The following KDM2A variants were observed in gnomAD, a reference collection of about 807,000 sequenced individuals.
KDM2A encodes lysine demethylase 2A.
A neutral mutation model predicts 137.3 loss-of-function variants in KDM2A; 3 were observed. The observed-to-expected ratio is 0.02, with a 90% CI of 0.01 to 0.06. The LOEUF (loss-of-function observed/expected upper bound fraction) is 0.06. KDM2A is among the 10% of genes least tolerant of loss of function. The pLI is 1.00. For synonymous variants in KDM2A, 512 were observed against 541.5 expected, an observed-to-expected ratio of 0.95 and a Z score of 0.76; for missense variants, 738 against 1,510.6, an observed-to-expected ratio of 0.49 and a Z score of 8.48.
At chr11:67,134,707 G>A (rs745837104) in intron 2 of KDM2A, among the ~76,000 whole-genome samples, 13 of 151,952 alleles carry the variant, frequency 8.6e-5, no homozygotes, top group South Asian at 6.2e-4. Context: ...ATTTCGCCAC[G>A]TTGACTAGGC....
At chr11:67,247,422 CTTTTTTTTTTT>C (rs56012601) in intron 15 of KDM2A, among the ~76,000 whole-genome samples, 4 of 84,532 alleles carry the variant, frequency 4.7e-5, no homozygotes, top group South Asian at 4.7e-4. Context: ...GCATTACAAT[CTTTTTTTTTTT>C]TTTTTTTTTT....
intron 2 of KDM2A, among the ~76,000 whole-genome samples, chr11:67,147,969 G>A (rs956355347): frequency 2.6e-5 from 4 of 151,900 alleles, no homozygotes; most frequent in Admixed American, 6.6e-5. Context: ...GAGCTGCCAC[G>A]CCCGGCCCTC....
At chr11:67,194,460 A>G (rs1434159209) in intron 5 of KDM2A, among the ~76,000 whole-genome samples, 4 of 152,228 alleles carry the variant, frequency 2.6e-5, no homozygotes, top group Non-Finnish European at 5.9e-5. Context: ...AAGTTATGTT[A>G]TCTAGTCAGT....
In KDM2A at chr11:67,253,454, A is replaced by G. The variant is rs774117100; in HGVS notation, c.2934A>G (p.Gly978=). The G allele has an allele frequency of 1.2e-6, 2 of 1,613,214 alleles. No homozygotes were observed. The highest frequency in any genetic ancestry group is 8.5e-7 in the Non-Finnish European group (1 of 1,179,366). The change falls in exon 19 of 21, where the codon GGA becomes GGG. Residue 978 remains glycine (G), a splice_region_variant and synonymous_variant. Coordinates refer to ENST00000529006, the MANE Select transcript of KDM2A (RefSeq NM_012308.3). ...QLTWLVNRLP[G]LKDLLLAGCS... ...CATGTCTCATTCCATCCATTGCAGG[A>G]CTGAAAGACCTCCTCCTAGCAGGCT...
At chr11:67,122,320 C>T (rs1215771349) in intron 2 of KDM2A, among the ~76,000 whole-genome samples, 2 of 152,060 alleles carry the variant, frequency 1.3e-5, no homozygotes, top group African/African-American at 2.4e-5. Flanking sequence ...GAAGAGACTT[C>T]TTTATTATTT....
intron 10 of KDM2A, among the ~76,000 whole-genome samples, chr11:67,227,168 AC>A (rs1858571835): frequency 6.6e-6 from 1 of 152,218 alleles, no homozygotes; most frequent in African/African-American, 2.4e-5. Context: ...GTCGTATGGA[AC>A]ATTAATCTGG....
chr11:67,248,553 G>A lies in KDM2A; in HGVS notation c.2055+183G>A, dbSNP rs1859317588. The A allele has an allele frequency of 5.4e-6, 3 of 558,482 alleles. No individual in the cohort carries two copies. The Admixed American group carries it at 1.0e-4, about 19-fold the overall frequency. The allele number at this position is 558,482 out of a possible 1,614,324, so 34.6% of individuals were successfully genotyped here. On this transcript the variant is annotated intron_variant, in intron 16 of 20. Transcript: ENST00000529006. ...AGTATTTTCTTTGTTAGAGTTTGTA[G>A]CATTGTGTTTTGTATTACTAAATGT... is the stretch of plus-strand genomic sequence containing the variant.
intron 11 of KDM2A, among the ~76,000 whole-genome samples, chr11:67,229,432 T>C (rs181893826): frequency 1.3e-3 from 191 of 152,310 alleles, no homozygotes; most frequent in Admixed American, 6.3e-3. Context: ...TAGACTCTTA[T>C]ATGTCTGAAA....
At chr11:67,206,302 A>G (rs1036038232) in intron 5 of KDM2A, among the ~76,000 whole-genome samples, 1 of 152,192 alleles carries the variant, frequency 6.6e-6, no homozygotes, top group Non-Finnish European at 1.5e-5. Context: ...GTGGTGGCAC[A>G]CGGCCATATT....
At chr11:67,156,217 C>T (rs1856510954) in intron 2 of KDM2A, among the ~76,000 whole-genome samples, 1 of 148,684 alleles carries the variant, frequency 6.7e-6, no homozygotes, top group Non-Finnish European at 1.5e-5. Context: ...CATTGCACTC[C>T]AGCTTGGGCA....
intron 12 of KDM2A, among the ~76,000 whole-genome samples, chr11:67,239,592 C>T (rs2136439281): frequency 6.6e-6 from 1 of 152,296 alleles, no homozygotes; most frequent in South Asian, 2.1e-4. Flanking sequence ...GTGCCTAGTT[C>T]ATCCAGAGAG....
chr11:67,226,283 A>G (rs1201083577), intron 10 of KDM2A, among the ~76,000 whole-genome samples: 1 of 152,042 alleles, frequency 6.6e-6, no homozygotes, highest in African/African-American at 2.4e-5. Context: ...TATATCATTC[A>G]TGAACAGTTG....
intron 5 of KDM2A, chr11:67,197,225 G>T (rs376794184): frequency 2.7e-5 from 4 of 150,526 alleles, no homozygotes; most frequent in African/African-American, 9.8e-5. Context: ...CCAGGCTGGA[G>T]TGCAGTGGGG....
intron 6 of KDM2A, among the ~76,000 whole-genome samples, chr11:67,213,255 A>G (rs969660518): frequency 6.6e-6 from 1 of 152,178 alleles, no homozygotes; most frequent in African/African-American, 2.4e-5. Context: ...TGTTGTTACA[A>G]AGCTTACCAG....
At chr11:67,168,248 G>T (rs116472655) in intron 2 of KDM2A, among the ~76,000 whole-genome samples, 1,681 of 152,074 alleles carry the variant, frequency 0.011, 26 homozygotes, top group African/African-American at 0.039. Flanking sequence ...TTTGGAACTT[G>T]GTAGATGTCC....
intron 2 of KDM2A, among the ~76,000 whole-genome samples, chr11:67,171,846 T>C (rs1856888045): frequency 6.6e-6 from 1 of 152,256 alleles, no homozygotes; most frequent in African/African-American, 2.4e-5. Flanking sequence ...ATCAATTCAC[T>C]GTAAGTGTAA....
At chr11:67,130,129 A>ATTTT (rs71461635) in intron 2 of KDM2A, among the ~76,000 whole-genome samples, 1 of 143,080 alleles carries the variant, frequency 7.0e-6, no homozygotes, top group Admixed American at 7.0e-5. Flanking sequence ...CACCTGGCTA[A>ATTTT]TTTTTTTTTT....
At chr11:67,253,973 C>T (rs776926848) in intron 19 of KDM2A, among the ~76,000 whole-genome samples, 5 of 152,196 alleles carry the variant, frequency 3.3e-5, no homozygotes, top group Non-Finnish European at 5.9e-5. Context: ...TAGCCTTTTG[C>T]TGTGTGCATG....
chr11:67,207,774 C>T, intron 6 of KDM2A, 86 bp downstream of exon 6: 1 of 1,169,298 alleles, frequency 8.6e-7, no homozygotes, highest in Non-Finnish European at 1.2e-6. Context: ...CTTGTTATCC[C>T]AGCACTTTGG....
Sources: gnomAD v4.1 joint callset for allele counts (sites outside exome capture counted in the v4.1 genomes callset) on GRCh38, gnomAD v4.1.1 for gene constraint, MANE v1.5 for transcripts, NCBI Gene and HGNC (gene_info 2026-07-23, HGNC 2026-07-21) for gene names.